The following TNS1 variants were observed in gnomAD, a reference collection of about 807,000 sequenced individuals.
The protein encoded by TNS1 is tensin 1.
In TNS1, 62 loss-of-function variants were observed where a neutral mutation model predicts 168.6. The ratio of observed to expected loss-of-function variants is 0.37; its 90% CI spans 0.30 to 0.45. The LOEUF is 0.45. Among genes scored for constraint, TNS1 ranks in the 20% least tolerant of loss-of-function variants. TNS1 has a pLI of 1.00. For missense variants in TNS1, 2,240 were observed against 2,339.4 expected, an observed-to-expected ratio of 0.96 and a Z score of 0.88; for synonymous variants, 934 against 933.2, an observed-to-expected ratio of 1.00 and a Z score of -0.02.
At chr2:217,917,698 C>T (rs551655484) in intron 4 of TNS1, among the ~76,000 whole-genome samples, 1 of 151,898 alleles carries the variant, frequency 6.6e-6, no homozygotes, top group South Asian at 2.1e-4. Flanking sequence ...AGGTGTGGTG[C>T]CGTGCGCCTG....
intron 18 of TNS1, among the ~76,000 whole-genome samples, chr2:217,876,344 G>A (rs772771469): frequency 6.6e-6 from 1 of 152,166 alleles, no homozygotes; most frequent in Admixed American, 6.5e-5. Context: ...ATCTGGGCAC[G>A]GGGCATCAGA....
intron 18 of TNS1, among the ~76,000 whole-genome samples, chr2:217,879,830 A>G (rs1426561271): frequency 6.6e-6 from 1 of 152,226 alleles, no homozygotes; most frequent in East Asian, 1.9e-4. Flanking sequence ...CCTATCTCTA[A>G]CCTAGCTCTG....
At chr2:217,808,527 ATG>A (rs377456684) in intron 31 of TNS1, 74 bp downstream of exon 31, 4 of 1,329,272 alleles carry the variant, frequency 3.0e-6, no homozygotes, top group African/African-American at 1.4e-5. Context: ...ACACACACAC[ATG>A]CACATGCATG....
chr2:217,919,424 C>A (rs896055089), intron 4 of TNS1, among the ~76,000 whole-genome samples: 1 of 152,268 alleles, frequency 6.6e-6, no homozygotes, highest in African/African-American at 2.4e-5. Flanking sequence ...GGGACACACC[C>A]ACACACCTGT....
At chr2:217,956,035 C>T (rs367907693) in intron 3 of TNS1, among the ~76,000 whole-genome samples, 3 of 152,062 alleles carry the variant, frequency 2.0e-5, no homozygotes, top group Non-Finnish European at 4.4e-5. Flanking sequence ...TGAGCCCCCC[C>T]ACCAAGTCCC....
intron 19 of TNS1, among the ~76,000 whole-genome samples, chr2:217,837,403 C>A (rs556349219): frequency 6.6e-6 from 1 of 152,198 alleles, no homozygotes; most frequent in Non-Finnish European, 1.5e-5. Flanking sequence ...ACCTGGGAAG[C>A]CTTCCTACTT....
At chr2:217,994,686 C>T (rs1374489452) in intron 1 of TNS1, among the ~76,000 whole-genome samples, 29 of 152,196 alleles carry the variant, frequency 1.9e-4, no homozygotes, top group Admixed American at 1.8e-3. Flanking sequence ...TCCCAGGGGC[C>T]CCAGTTTTGC....
intron 1 of TNS1, among the ~76,000 whole-genome samples, chr2:218,015,936 G>A (rs1486122151): frequency 6.6e-6 from 1 of 152,212 alleles, no homozygotes; most frequent in African/African-American, 2.4e-5. Context: ...CGCTGGGTCT[G>A]AGCCCAGGCT....
intron 3 of TNS1, among the ~76,000 whole-genome samples, chr2:217,927,587 G>C (rs921374898): frequency 4.6e-5 from 7 of 152,112 alleles, no homozygotes; most frequent in African/African-American, 1.7e-4. Flanking sequence ...TAACAATAAG[G>C]GGAAGGAGAA....
At position 217,813,198 on chromosome 2, in the gene TNS1, G is replaced by T. The variant is rs749389132; in HGVS notation, c.4954+17C>A. 1 of 1,584,244 alleles carries T rather than the reference G, an allele frequency of 6.3e-7. No individual in the cohort carries two copies. Among genetic ancestry groups the T allele is most frequent in the South Asian group, 1.1e-5 (1 of 87,572 alleles). ...CTCAGGCCAGACTGTAGAGATGGGG[G>T]CAGGGGGACAGCTCACCGAAGTTTG... On this transcript the variant is annotated intron_variant, in intron 27 of 32. Coordinates refer to ENST00000682258, the MANE Select transcript of TNS1 (RefSeq NM_001387777.1). The surrounding 1 kb of genome is among the most constrained non-coding windows in gnomAD (Gnocchi z 4.0).
At position 218,002,957 on chromosome 2, in the gene TNS1, C is replaced by T; in HGVS notation, c.-85G>A. The T allele has an allele frequency of 4.4e-6, 2 of 455,752 alleles. No homozygotes were observed. Among genetic ancestry groups the T allele is most frequent in the Admixed American group, 2.4e-5 (1 of 42,550 alleles). The allele number at this position is 455,752 out of a possible 1,614,324, so 28.2% of individuals were successfully genotyped here. On this transcript the variant is annotated 5_prime_UTR_variant, in exon 1 of 33. Coordinates refer to ENST00000682258, the MANE Select transcript of TNS1 (RefSeq NM_001387777.1). ...AGTCCCCGCGGCGCTGGCAGAAGGG[C>T]TCTCTGAGTCCGCGGCTGCTCCGGC...
intron 6 of TNS1, chr2:217,903,492 C>T: frequency 7.2e-7 from 1 of 1,395,856 alleles, no homozygotes; most frequent in Non-Finnish European, 9.5e-7. Context: ...TCACAAATCA[C>T]CTTACCCAAA....
chr2:217,990,660 C>T (rs901205700), intron 2 of TNS1, among the ~76,000 whole-genome samples: 2 of 152,228 alleles, frequency 1.3e-5, no homozygotes, highest in African/African-American at 4.8e-5. Context: ...ACTCATATAC[C>T]TTCTTCATGC....
chr2:217,883,105 T>C (rs13390002), intron 16 of TNS1, among the ~76,000 whole-genome samples: 26,227 of 151,962 alleles, frequency 0.17, 3,248 homozygotes, highest in African/African-American at 0.34. Context: ...CAGACATGAA[T>C]TTTAAATAAC....
chr2:217,968,535 A>G (rs1202948375), intron 3 of TNS1, among the ~76,000 whole-genome samples: 1 of 152,224 alleles, frequency 6.6e-6, no homozygotes, highest in Non-Finnish European at 1.5e-5. Context: ...TTAAAACAGC[A>G]TCAAAAAGAA....
rs376836561 is a variant in TNS1 at position 217,897,871 on chromosome 2, T to C, written c.470A>G (p.Asn157Ser). The part of the protein sequence containing the change: ...IIAVSFPSTA[N>S]EENFRSNLRE... ...GAGGTTGCTCCGGAAGTTCTCCTCA[T>C]TGGCTGTGCTGGGGAAGGAGACAGC... Residue 157 changes from asparagine (N) to serine (S), a missense_variant, in exon 8 of 33, where the codon AAT (asparagine) becomes AGT (serine). Around this residue, in one of 2 missense-constraint regions of TNS1, gnomAD observed 2,131 missense variants for 2,171.2 expected, o/e 0.98. Coordinates refer to ENST00000682258, the MANE Select transcript of TNS1 (RefSeq NM_001387777.1). 188 of 1,613,574 alleles carry C rather than the reference T, an allele frequency of 1.2e-4. No individual in the cohort carries two copies. Among genetic ancestry groups the C allele is most frequent in the Admixed American group, 2.0e-4 (12 of 59,952 alleles).
chr2:217,848,866 A>C lies in TNS1; in HGVS notation c.1651T>G (p.Ser551Ala). Residue 551 changes from serine to alanine, a missense_variant, in exon 19 of 33, where the codon TCC becomes GCC. Physicochemically the swap from Ser to Ala is moderately conservative, Grantham distance 99. Coordinates refer to ENST00000682258, the MANE Select transcript of TNS1 (RefSeq NM_001387777.1). ...DKTDEPVPGA[S>A]SATAALSPQE... is the part of the protein sequence containing the mutation. ...GGACTCAAGGCAGCAGTGGCACTGGAGGCCCCGGGGACAGGCTCGTCGGTC... is the reference window on the plus strand; with the variant it reads ...GGACTCAAGGCAGCAGTGGCACTGGCGGCCCCGGGGACAGGCTCGTCGGTC... The C allele has an allele frequency of 6.2e-7, 1 of 1,613,528 alleles. No homozygotes were observed. Among genetic ancestry groups the C allele is most frequent in the Non-Finnish European group, 8.5e-7 (1 of 1,179,900 alleles).
intron 19 of TNS1, among the ~76,000 whole-genome samples, chr2:217,839,668 T>C (rs1238926178): frequency 2.6e-5 from 4 of 152,146 alleles, no homozygotes; most frequent in Non-Finnish European, 5.9e-5. Flanking sequence ...CCACCACCCC[T>C]GGATCACGTG....
chr2:217,814,590 G>A (rs1395990309), intron 25 of TNS1, among the ~76,000 whole-genome samples: 1 of 152,178 alleles, frequency 6.6e-6, no homozygotes. Context: ...CTCTCTCCCT[G>A]TAAAATGCAA....
Sources: gnomAD v4.1 joint callset for allele counts (sites outside exome capture counted in the v4.1 genomes callset) on GRCh38, gnomAD v4.1.1 for gene constraint, gnomAD v4.1.1 regional missense constraint, Gnocchi (gnomAD v3.1) non-coding constraint, MANE v1.5 for transcripts, NCBI Gene and HGNC (gene_info 2026-07-23, HGNC 2026-07-21) for gene names.